Variants in ADGRF1 observed in about 807,000 individuals in gnomAD.
The protein encoded by ADGRF1 is G protein-coupled receptor 110.
A neutral mutation model predicts 87.2 loss-of-function variants in ADGRF1; 85 were observed. That is an observed-to-expected ratio of 0.97 (90% CI 0.82 to 1.17). The LOEUF (loss-of-function observed/expected upper bound fraction) is 1.17, where lower values mean the gene tolerates loss of function less well. Ranked by LOEUF, ADGRF1 falls within the 50% of genes most tolerant of loss-of-function variation. The pLI, the probability that ADGRF1 is intolerant of heterozygous loss-of-function variation, is 0.00. For missense variants in ADGRF1, 1,169 were observed against 1,077.2 expected, an observed-to-expected ratio of 1.09 and a Z score of -1.19; for synonymous variants, 430 against 408.8, an observed-to-expected ratio of 1.05 and a Z score of -0.63.
At position 47,005,802 on chromosome 6, in the gene ADGRF1, G is replaced by T; in HGVS notation, c.2592+15C>A. On this transcript the variant is annotated intron_variant, in intron 13 of 14. Coordinates refer to ENST00000371253, the MANE Select transcript of ADGRF1 (RefSeq NM_153840.4). ...AACTTCATGTATTGGATTCATGGCA[G>T]TAGGAGATAATTACCTTTTCTGTTT... is the stretch of plus-strand genomic sequence containing the variant. The T allele has an allele frequency of 6.3e-7, 1 of 1,596,090 alleles. No homozygotes were observed. The highest frequency in any genetic ancestry group is 8.6e-7 in the Non-Finnish European group (1 of 1,166,008).
Position 47,009,382 on chromosome 6 carries a change from G to C in ADGRF1, c.2053C>G (p.Arg685Gly). Residue 685 changes from arginine to glycine, a missense_variant, in exon 11 of 15, where the codon CGG (arginine) becomes GGG (glycine). Arg to Gly is a moderately radical substitution (Grantham distance 125, BLOSUM62 -2). Transcript: ENST00000371253. ...MLMLGILLAY[R>G]IILVFHHMAQ... ...ATGTGATGGAACACGAGGATGATCC[G>C]GTAAGCCAGCAGGATGCCAAGCATG... The C allele has an allele frequency of 1.2e-6, 2 of 1,614,052 alleles. No individual in the cohort carries two copies. Among genetic ancestry groups the C allele is most frequent in the South Asian group, 1.1e-5 (1 of 91,054 alleles).
intron 1 of ADGRF1, among the ~76,000 whole-genome samples, chr6:47,031,300 CTCTCTCTG>C (rs1780415753): frequency 4.2e-5 from 6 of 141,224 alleles, no homozygotes; most frequent in Middle Eastern, 3.7e-3. Flanking sequence ...CTCTGTCTGA[CTCTCTCTG>C]TCTCTCTGTC....
At chr6:47,022,473 T>C (rs1780088942) in intron 5 of ADGRF1, among the ~76,000 whole-genome samples, 1 of 152,240 alleles carries the variant, frequency 6.6e-6, no homozygotes, top group South Asian at 2.1e-4. Flanking sequence ...CCAGTACTTC[T>C]CTGCAATGGG....
intron 1 of ADGRF1, among the ~76,000 whole-genome samples, chr6:47,041,365 C>G (rs1298504117): frequency 6.6e-6 from 1 of 152,032 alleles, no homozygotes. Flanking sequence ...ATGCTATTAT[C>G]AAGTTGAGCT....
intron 1 of ADGRF1, among the ~76,000 whole-genome samples, chr6:47,041,384 C>T (rs1780739238): frequency 6.6e-6 from 1 of 152,098 alleles, no homozygotes; most frequent in Admixed American, 6.6e-5. Flanking sequence ...CTTAATGGAT[C>T]TCAGCATGAA....
At chr6:47,011,441 G>A (rs1467479070) in intron 10 of ADGRF1, among the ~76,000 whole-genome samples, 2 of 152,174 alleles carry the variant, frequency 1.3e-5, no homozygotes, top group Non-Finnish European at 2.9e-5. Flanking sequence ...TTGAGCACAC[G>A]CTATATATCA....
At chr6:47,042,046 T>A (rs1038583183) in intron 1 of ADGRF1, 145 bp downstream of exon 1, 1 of 152,194 alleles carries the variant, frequency 6.6e-6, no homozygotes, top group Admixed American at 6.5e-5. Flanking sequence ...TCAACTCTGT[T>A]CCCTTATTTA....
At chr6:47,025,755 G>T (rs545582791) in intron 4 of ADGRF1, 99 bp downstream of exon 4, 3 of 1,051,430 alleles carry the variant, frequency 2.9e-6, no homozygotes, top group Non-Finnish European at 2.7e-6. Context: ...AAATCACAGA[G>T]ATTGTAGGGA....
chr6:47,008,345 C>A (rs778683527), intron 11 of ADGRF1, among the ~76,000 whole-genome samples: 14 of 152,182 alleles, frequency 9.2e-5, no homozygotes, highest in Non-Finnish European at 1.5e-4. Flanking sequence ...AAAACCCATT[C>A]TTTGTAGCAG....
chr6:47,031,351 G>C (rs182275465), intron 1 of ADGRF1, among the ~76,000 whole-genome samples: 1,309 of 110,598 alleles, frequency 0.012, 3 homozygotes, highest in African/African-American at 0.018. Flanking sequence ...CTCTCTCTCT[G>C]TCTCTCTCTC....
chr6:47,035,752 C>T (rs1380174349), intron 1 of ADGRF1, among the ~76,000 whole-genome samples: 1 of 152,166 alleles, frequency 6.6e-6, no homozygotes, highest in African/African-American at 2.4e-5. Flanking sequence ...TCCTTACAAA[C>T]AATTCTTTTC....
chr6:47,001,548 G>A lies in ADGRF1; in HGVS notation c.2612C>T (p.Ser871Phe), dbSNP rs778948591. The change falls in exon 14 of 15, where the codon TCT becomes TTT. Residue 871 changes from serine to phenylalanine, a missense_variant. Coordinates refer to ENST00000371253, the MANE Select transcript of ADGRF1 (RefSeq NM_153840.4). ...QTEKQNSSDLSAKPKFSKPFN... is the reference protein window; with the variant it reads ...QTEKQNSSDLFAKPKFSKPFN... The stretch of plus-strand genomic sequence containing the variant: ...AGGCTTTGAGAATTTGGGTTTGGCA[G>A]ATAAATCTGATGAGTTTTGCTGCAC... 2 of 1,613,686 alleles carry A rather than the reference G, an allele frequency of 1.2e-6. No individual in the cohort carries two copies. Among genetic ancestry groups the A allele is most frequent in the East Asian group, 2.2e-5 (1 of 44,862 alleles).
chr6:47,019,310 A>G, intron 7 of ADGRF1: 1 of 979,992 alleles, frequency 1.0e-6, no homozygotes, highest in Non-Finnish European at 1.2e-6. Context: ...GCTGGTATTG[A>G]ATTTTAAAGA....
intron 3 of ADGRF1, 23 bp downstream of exon 3, chr6:47,027,681 C>T (rs1258694329): frequency 3.1e-5 from 49 of 1,572,560 alleles, no homozygotes; most frequent in Non-Finnish European, 4.1e-5. Flanking sequence ...TCCACTGCAC[C>T]ATGCTGTCTA....
chr6:47,038,507 G>A (rs1458619850), intron 1 of ADGRF1, among the ~76,000 whole-genome samples: 2 of 152,122 alleles, frequency 1.3e-5, no homozygotes, highest in Non-Finnish European at 2.9e-5. Context: ...ACCTAGTGAT[G>A]TTTTGATATA....
Position 47,007,293 on chromosome 6 carries a change from C to A in ADGRF1, c.2492G>T (p.Gly831Val). ...VIFALLNAFQ[G>V]FFILCFGILL... ...TATTCCAAAGCATAAGATAAAAAAT[C>A]CCTTTAAAAAGAAAGGAATAAATCA... The change falls in exon 12 of 15, where the codon GGA becomes GTA. Residue 831 changes from glycine to valine, a missense_variant and splice_region_variant. Transcript: ENST00000371253. The A allele has an allele frequency of 6.6e-7, 1 of 1,524,858 alleles. No individual in the cohort carries two copies. Among genetic ancestry groups the A allele is most frequent in the Middle Eastern group, 1.7e-4 (1 of 5,880 alleles). 94.5% of individuals were successfully genotyped at this position (1,524,858 alleles called of 1,614,324 possible). A position where few individuals can be genotyped will look rare whatever the true frequency, so the allele number is the denominator to read the frequency against.
rs551274098 is a variant in ADGRF1 at position 47,040,755 on chromosome 6, T to G, written c.-44+1436A>C. Among the ~76,000 whole-genome samples the G allele has an allele frequency of 2.6e-5, 4 of 152,316 alleles. No homozygotes were observed. The South Asian group carries it at 8.3e-4, about 32-fold the overall frequency. On this transcript the variant is annotated intron_variant, in intron 1 of 14. Transcript: ENST00000371253. Reference sequence around the variant, plus strand: ...CTCTCAGCCAAAGCACTAAAATCATTTATTTATATCCAAATTTGAATGAAT... The same window carrying G: ...CTCTCAGCCAAAGCACTAAAATCATGTATTTATATCCAAATTTGAATGAAT...
rs1779653872 is a variant in ADGRF1, at chr6:47,009,914, G to A, written c.1521C>T (p.Ser507=). 1 of 1,613,988 alleles carries A rather than the reference G, an allele frequency of 6.2e-7. No homozygotes were observed. The highest frequency in any genetic ancestry group is 1.7e-5 in the Admixed American group (1 of 60,004). Residue 507 remains serine, a synonymous_variant, in exon 11 of 15, where the codon TCC becomes TCT. Coordinates refer to ENST00000371253, the MANE Select transcript of ADGRF1 (RefSeq NM_153840.4). ...TTATGGAATAGTTTTGAATAACCGT[G>A]GATATCACAGGTCCATTGACCTGAG... The part of the protein sequence containing the change: ...GNAQVNGPVI[S]TVIQNYSINE...
chr6:47,016,124 A>G (rs1779868133), intron 8 of ADGRF1, among the ~76,000 whole-genome samples: 1 of 152,208 alleles, frequency 6.6e-6, no homozygotes, highest in South Asian at 2.1e-4. Flanking sequence ...TATAGAATAA[A>G]TGTTGTTGAA....
Sources: gnomAD v4.1 joint callset for allele counts (sites outside exome capture counted in the v4.1 genomes callset) on GRCh38, gnomAD v4.1.1 for gene constraint, MANE v1.5 for transcripts, NCBI Gene and HGNC (gene_info 2026-07-23, HGNC 2026-07-21) for gene names.